GPC5: variants seen among roughly 807,000 people sequenced by gnomAD.
GPC5 encodes the protein glypican-5.
In GPC5, 47 loss-of-function variants were observed where a neutral mutation model predicts 53.9. The observed-to-expected ratio is 0.87, with a 90% confidence interval of 0.69 to 1.11. GPC5 has a LOEUF of 1.11. GPC5 is among the 50% of genes most tolerant of loss of function. The probability of loss-of-function intolerance (pLI) is 0.00; values close to 1 mark genes in which losing one functional copy is unlikely to be tolerated. For missense variants in GPC5, 748 were observed against 713.1 expected, an observed-to-expected ratio of 1.05 and a Z score of -0.56; for synonymous variants, 286 against 263.3, an observed-to-expected ratio of 1.09 and a Z score of -0.84.
chr13:92,527,257 A>AAGAAAG (rs1566277302), intron 7 of GPC5, among the ~76,000 whole-genome samples: 6 of 91,032 alleles, frequency 6.6e-5, no homozygotes, highest in Admixed American at 3.0e-4. Flanking sequence ...AAGAGAAAGA[A>AAGAAAG]AGAAAGAAAG....
At chr13:92,189,046 G>A (rs2042204055) in intron 7 of GPC5, among the ~76,000 whole-genome samples, 1 of 152,124 alleles carries the variant, frequency 6.6e-6, no homozygotes, top group South Asian at 2.1e-4. Flanking sequence ...GATAATTGAT[G>A]CATTGCTGGA....
intron 7 of GPC5, among the ~76,000 whole-genome samples, chr13:92,819,719 T>C (rs1332718651): frequency 1.3e-5 from 2 of 152,166 alleles, no homozygotes; most frequent in Non-Finnish European, 2.9e-5. Context: ...AAACAAAGAT[T>C]TAATACAATT....
intron 7 of GPC5, among the ~76,000 whole-genome samples, chr13:92,614,094 A>C (rs866493487): frequency 7.2e-5 from 11 of 152,114 alleles, no homozygotes; most frequent in Middle Eastern, 3.2e-3. Flanking sequence ...TAAGATATTT[A>C]GCAAAAGAAT....
intron 7 of GPC5, among the ~76,000 whole-genome samples, chr13:92,237,643 TTAATTTTTTA>T (rs2042580194): frequency 6.6e-6 from 1 of 152,206 alleles, no homozygotes; most frequent in South Asian, 2.1e-4. Flanking sequence ...TAAAACATCA[TTAATTTTTTA>T]TGGCATCTTT....
chr13:92,375,701 G>A (rs2043688414), intron 7 of GPC5, among the ~76,000 whole-genome samples: 1 of 152,144 alleles, frequency 6.6e-6, no homozygotes, highest in African/African-American at 2.4e-5. Flanking sequence ...CGGAAGGCTT[G>A]GACTCTCAAG....
In GPC5 at chr13:91,739,323, A is replaced by G. The variant is rs1288082225; in HGVS notation, c.1154+10658A>G. Among the ~76,000 whole-genome samples, 3 of 151,328 alleles carry G rather than the reference A, an allele frequency of 2.0e-5. 1 individual carries two copies. Among genetic ancestry groups the G allele is most frequent in the African/African-American group, 2.5e-5 (1 of 40,654 alleles). On this transcript the variant is annotated intron_variant, in intron 4 of 7. Coordinates refer to ENST00000377067, the MANE Select transcript of GPC5 (RefSeq NM_004466.6). ...CCTCCTGGCTGCTGTGTTCCAACTC[A>G]TAGCTGCTCTAGTCCCTGGGAAATT...
intron 2 of GPC5, among the ~76,000 whole-genome samples, chr13:91,509,781 G>A (rs1014000099): frequency 1.3e-5 from 2 of 152,036 alleles, no homozygotes; most frequent in African/African-American, 2.4e-5. Context: ...TTGGGCATTG[G>A]ACCAGGTATC....
intron 7 of GPC5, among the ~76,000 whole-genome samples, chr13:92,707,841 T>C (rs901269783): frequency 1.3e-5 from 2 of 152,072 alleles, no homozygotes; most frequent in African/African-American, 4.8e-5. Flanking sequence ...TTTGGCTTGG[T>C]TTGGATTTCT....
At chr13:92,408,892 C>G (rs1258072951) in intron 7 of GPC5, among the ~76,000 whole-genome samples, 1 of 151,970 alleles carries the variant, frequency 6.6e-6, no homozygotes, top group Non-Finnish European at 1.5e-5. Context: ...GTGCCATATA[C>G]ATGAATGAAA....
intron 7 of GPC5, among the ~76,000 whole-genome samples, chr13:92,779,314 A>T (rs962707392): frequency 2.0e-5 from 3 of 152,050 alleles, no homozygotes; most frequent in African/African-American, 7.2e-5. Flanking sequence ...AACACATGGG[A>T]ATTGTTGGAG....
At chr13:92,542,698 T>C (rs1260993849) in intron 7 of GPC5, among the ~76,000 whole-genome samples, 3 of 152,080 alleles carry the variant, frequency 2.0e-5, no homozygotes, top group African/African-American at 7.2e-5. Flanking sequence ...ATCGCAATTT[T>C]TGCTTGTCTG....
chr13:91,448,474 T>C (rs1258791821), intron 1 of GPC5, among the ~76,000 whole-genome samples: 1 of 152,246 alleles, frequency 6.6e-6, no homozygotes, highest in Non-Finnish European at 1.5e-5. Context: ...TTTTTCTTGA[T>C]TGAGCGCTGT....
intron 7 of GPC5, among the ~76,000 whole-genome samples, chr13:92,317,048 G>A (rs1287959331): frequency 6.6e-6 from 1 of 152,008 alleles, no homozygotes; most frequent in Non-Finnish European, 1.5e-5. Flanking sequence ...CATACTACAA[G>A]CAATTATATT....
chr13:92,739,391 A>G (rs980749310), intron 7 of GPC5, among the ~76,000 whole-genome samples: 3 of 152,098 alleles, frequency 2.0e-5, no homozygotes, highest in Non-Finnish European at 4.4e-5. Flanking sequence ...GCTGCCCATG[A>G]TAGTTGCTGA....
intron 7 of GPC5, among the ~76,000 whole-genome samples, chr13:92,258,654 C>T (rs748603750): frequency 3.3e-5 from 5 of 152,106 alleles, no homozygotes; most frequent in Non-Finnish European, 5.9e-5. Context: ...AAAAAAATGT[C>T]GTTAATGGTA....
At chr13:91,762,226 C>G (rs2037427959) in intron 5 of GPC5, among the ~76,000 whole-genome samples, 1 of 152,000 alleles carries the variant, frequency 6.6e-6, no homozygotes, top group African/African-American at 2.4e-5. Context: ...TTATAAATCT[C>G]TGAGAGTTTG....
intron 7 of GPC5, among the ~76,000 whole-genome samples, chr13:92,286,584 A>G (rs916127299): frequency 6.6e-6 from 1 of 152,204 alleles, no homozygotes; most frequent in Non-Finnish European, 1.5e-5. Context: ...TATCCTTTGT[A>G]GGGACATGGA....
intron 7 of GPC5, among the ~76,000 whole-genome samples, chr13:92,496,559 A>G (rs1879987541): frequency 6.6e-6 from 1 of 152,210 alleles, no homozygotes; most frequent in African/African-American, 2.4e-5. Context: ...AAACTTAGCC[A>G]TAAAAACAAA....
chr13:91,465,753 T>TA (rs1229148368), intron 2 of GPC5, among the ~76,000 whole-genome samples: 49 of 152,300 alleles, frequency 3.2e-4, no homozygotes, highest in African/African-American at 1.1e-3. Context: ...CTTTAACTTT[T>TA]TTTCCTCAAA....
Sources: gnomAD v4.1 joint callset for allele counts (sites outside exome capture counted in the v4.1 genomes callset) on GRCh38, gnomAD v4.1.1 for gene constraint, MANE v1.5 for transcripts, NCBI Gene and HGNC (gene_info 2026-07-23, HGNC 2026-07-21) for gene names.